The following IL1RAPL2 variants were observed in gnomAD, a reference collection of about 807,000 sequenced individuals.
IL1RAPL2 encodes interleukin 1 receptor accessory protein like 2.
IL1RAPL2 carries 3 observed loss-of-function variants against 44.1 expected under a neutral mutation model. The observed-to-expected ratio is 0.07, with a 90% CI of 0.03 to 0.18. IL1RAPL2 has a LOEUF of 0.18. Ranked by LOEUF, IL1RAPL2 falls within the 10% of genes least tolerant of loss-of-function variation. The pLI, the probability that IL1RAPL2 is intolerant of heterozygous loss-of-function variation, is 1.00. For missense variants in IL1RAPL2, 391 were observed against 496.4 expected, an observed-to-expected ratio of 0.79 and a Z score of 2.02; for synonymous variants, 181 against 178.8, an observed-to-expected ratio of 1.01 and a Z score of -0.10.
chrX:105,385,287 C>T (rs975462084), intron 5 of IL1RAPL2, among the ~76,000 whole-genome samples: 20 of 110,462 alleles, frequency 1.8e-4, no homozygotes, highest in African/African-American at 4.9e-4. Context: ...ATACTCTTTA[C>T]GCATTCAATT....
intron 2 of IL1RAPL2, among the ~76,000 whole-genome samples, chrX:104,727,876 T>C (rs1344879257): frequency 9.1e-6 from 1 of 110,394 alleles, no homozygotes; most frequent in African/African-American, 3.3e-5. Context: ...AAATACTGCA[T>C]GTTCTCACTT....
chrX:105,619,004 A>G (rs2037399513), intron 6 of IL1RAPL2, among the ~76,000 whole-genome samples: 1 of 111,342 alleles, frequency 9.0e-6, no homozygotes, highest in East Asian at 2.8e-4. Context: ...GGGAGGAAAA[A>G]TAATTTTCTC....
rs1052370264 is a variant in IL1RAPL2, at chrX:105,093,807, C to T, written c.83-101668C>T. Reference sequence around the variant, plus strand: ...CACACCAGAGTTTAAATTCCAACTCCACCGTTAACTATGTGGCCATAGGAA... The same window carrying T: ...CACACCAGAGTTTAAATTCCAACTCTACCGTTAACTATGTGGCCATAGGAA... On this transcript the variant is annotated intron_variant, in intron 2 of 10. Coordinates refer to ENST00000372582, the MANE Select transcript of IL1RAPL2 (RefSeq NM_017416.2). Among the ~76,000 whole-genome samples the T allele has an allele frequency of 4.5e-5, 5 of 111,759 alleles. No homozygotes were observed. The East Asian group carries it at 8.4e-4, about 19-fold the overall frequency.
chrX:105,600,162 T>C (rs1437283635), intron 6 of IL1RAPL2, among the ~76,000 whole-genome samples: 3 of 111,289 alleles, frequency 2.7e-5, no homozygotes, highest in African/African-American at 9.8e-5. Flanking sequence ...AATTATTGCA[T>C]AGAGTTTCAT....
At chrX:104,933,946 T>C (rs1007479647) in intron 2 of IL1RAPL2, among the ~76,000 whole-genome samples, 2 of 111,864 alleles carry the variant, frequency 1.8e-5, no homozygotes, top group Non-Finnish European at 3.8e-5. Context: ...GTGGAACATA[T>C]GGAAAATTTG....
chrX:105,741,192 C>T (rs1420816918), intron 8 of IL1RAPL2, among the ~76,000 whole-genome samples: 1 of 111,558 alleles, frequency 9.0e-6, no homozygotes, highest in Non-Finnish European at 1.9e-5. Flanking sequence ...AGATCTTTAT[C>T]AGGTGCATAT....
chrX:105,191,662 G>C (rs1253006948), intron 2 of IL1RAPL2, among the ~76,000 whole-genome samples: 2 of 112,275 alleles, frequency 1.8e-5, no homozygotes, highest in African/African-American at 6.5e-5. Context: ...CATAAGACTT[G>C]AGTGAACAGA....
intron 1 of IL1RAPL2, among the ~76,000 whole-genome samples, chrX:104,582,822 CTCTTTCTTTCTTTCTTTCTT>C (rs778392028): frequency 5.2e-4 from 21 of 40,656 alleles, no homozygotes; most frequent in South Asian, 4.5e-3. Flanking sequence ...TCCTTTCTTT[CTCTTTCTTTCTTTCTTTCTT>C]TCTTTCTTTC....
intron 2 of IL1RAPL2, among the ~76,000 whole-genome samples, chrX:104,878,069 T>G (rs1416366482): frequency 4.5e-5 from 5 of 111,795 alleles, no homozygotes; most frequent in Non-Finnish European, 9.4e-5. Flanking sequence ...TTACTGATAC[T>G]TCACATATCT....
chrX:104,644,078 CA>C (rs946297975), intron 1 of IL1RAPL2, among the ~76,000 whole-genome samples: 1 of 111,479 alleles, frequency 9.0e-6, no homozygotes, highest in Non-Finnish European at 1.9e-5. Context: ...TTGTTGAAAA[CA>C]TTTTTTTTAA....
intron 2 of IL1RAPL2, among the ~76,000 whole-genome samples, chrX:105,158,263 A>G (rs938440493): frequency 1.4e-4 from 16 of 111,808 alleles, no homozygotes; most frequent in African/African-American, 5.2e-4. Context: ...AGGCTAAGGC[A>G]GGAGAATGGC....
At chrX:105,134,087 G>A (rs1325601233) in intron 2 of IL1RAPL2, among the ~76,000 whole-genome samples, 1 of 111,504 alleles carries the variant, frequency 9.0e-6, no homozygotes, top group African/African-American at 3.3e-5. Context: ...ATTTCCATTT[G>A]CTGTTTGACC....
At chrX:104,599,132 C>T (rs975967469) in intron 1 of IL1RAPL2, among the ~76,000 whole-genome samples, 2 of 111,854 alleles carry the variant, frequency 1.8e-5, no homozygotes, top group Non-Finnish European at 3.8e-5. Context: ...GGGCAGGGAC[C>T]ATGCCTTTAT....
chrX:104,893,442 C>G (rs1019926712), intron 2 of IL1RAPL2, among the ~76,000 whole-genome samples: 1 of 111,168 alleles, frequency 9.0e-6, no homozygotes, highest in African/African-American at 3.3e-5. Context: ...GTAGGTCACT[C>G]AGGACTTGCT....
intron 6 of IL1RAPL2, among the ~76,000 whole-genome samples, chrX:105,493,468 AG>A (rs1387324833): frequency 8.9e-6 from 1 of 112,050 alleles, no homozygotes; most frequent in Non-Finnish European, 1.9e-5. Context: ...ATGTGTATGT[AG>A]TACTATTGTG....
At chrX:104,636,717 C>G (rs1462671016) in intron 1 of IL1RAPL2, among the ~76,000 whole-genome samples, 1 of 112,112 alleles carries the variant, frequency 8.9e-6, no homozygotes, top group African/African-American at 3.2e-5. Flanking sequence ...GTGGTAGTGA[C>G]CCGATTTTCC....
intron 2 of IL1RAPL2, among the ~76,000 whole-genome samples, chrX:104,740,801 A>G (rs1932090018): frequency 9.0e-6 from 1 of 111,181 alleles, no homozygotes; most frequent in Non-Finnish European, 1.9e-5. Context: ...TTGCTGTTCT[A>G]CCTTTGGAAA....
At chrX:104,762,785 G>T (rs1186158134) in intron 2 of IL1RAPL2, among the ~76,000 whole-genome samples, 2 of 111,640 alleles carry the variant, frequency 1.8e-5, no homozygotes, top group African/African-American at 6.5e-5. Flanking sequence ...CCTGAGCTCT[G>T]CATTGGCCCC....
intron 1 of IL1RAPL2, among the ~76,000 whole-genome samples, chrX:104,609,658 A>G (rs5916811): frequency 0.34 from 37,525 of 110,403 alleles, 5,515 homozygotes; most frequent in East Asian, 0.54. Flanking sequence ...TGAAGCTTGT[A>G]CATGCTTCAC....
Sources: gnomAD v4.1 joint callset for allele counts (sites outside exome capture counted in the v4.1 genomes callset) on GRCh38, gnomAD v4.1.1 for gene constraint, MANE v1.5 for transcripts, NCBI Gene and HGNC (gene_info 2026-07-23, HGNC 2026-07-21) for gene names.